ZBTB2: variants seen among roughly 807,000 people sequenced by gnomAD.
ZBTB2 encodes zinc finger and BTB domain-containing protein 2.
A neutral mutation model predicts 39.5 loss-of-function variants in ZBTB2; 2 were observed. The ratio of observed to expected loss-of-function variants is 0.05; its 90% CI spans 0.02 to 0.16. The LOEUF (loss-of-function observed/expected upper bound fraction) is 0.16, where lower values mean the gene tolerates loss of function less well. ZBTB2 is among the 10% of genes least tolerant of loss of function. The pLI, the probability that ZBTB2 is intolerant of heterozygous loss-of-function variation, is 1.00. For synonymous variants in ZBTB2, 251 were observed against 256.6 expected, an observed-to-expected ratio of 0.98 and a Z score of 0.21; for missense variants, 391 against 653.0, an observed-to-expected ratio of 0.60 and a Z score of 4.37.
At chr6:151,379,169 CTT>C (rs1170613232) in intron 1 of ZBTB2, among the ~76,000 whole-genome samples, 1 of 152,194 alleles carries the variant, frequency 6.6e-6, no homozygotes, top group Admixed American at 6.5e-5. Context: ...TACCGTAACT[CTT>C]TTCTCCGTAC....
At chr6:151,379,653 A>G (rs1001997927) in intron 1 of ZBTB2, among the ~76,000 whole-genome samples, 11 of 150,986 alleles carry the variant, frequency 7.3e-5, no homozygotes, top group South Asian at 2.1e-4. Context: ...AAAAAAAAAA[A>G]AAAAAAAGAA....
intron 2 of ZBTB2, 96 bp downstream of exon 2, chr6:151,373,369 A>G (rs9479023): frequency 0.056 from 76,899 of 1,372,770 alleles, 3,983 homozygotes; most frequent in African/African-American, 0.24. Context: ...CCTAGGAGCT[A>G]GGAGACGTAG....
Position 151,366,417 on chromosome 6 carries a change from C to G in ZBTB2, c.649G>C (p.Gly217Arg), listed in dbSNP as rs148104675. The G allele has an allele frequency of 1.8e-5, 29 of 1,613,846 alleles. No homozygotes were observed. The Admixed American group carries it at 2.0e-4, about 11-fold the overall frequency. ...GATGCTTCCAGATTGGTCTCCTCCC[C>G]GGGAGGAGGGGGAGGAACAGGAGTG... Reference protein sequence around the residue: ...VSTPVPPPPPGEETNLEASSS... With the variant: ...VSTPVPPPPPREETNLEASSS... Residue 217 changes from glycine (G) to arginine (R), a missense_variant, in exon 3 of 3, where the codon GGG becomes CGG. Coordinates refer to ENST00000325144, the MANE Select transcript of ZBTB2 (RefSeq NM_020861.3). The surrounding 1 kb of genome is among the most constrained non-coding windows in gnomAD (Gnocchi z 7.1).
intron 1 of ZBTB2, among the ~76,000 whole-genome samples, chr6:151,384,072 C>A (rs977111577): frequency 3.9e-5 from 6 of 152,100 alleles, no homozygotes; most frequent in African/African-American, 1.2e-4. Context: ...CCTAGATTGA[C>A]CTAAAAAATT....
Position 151,366,907 on chromosome 6 carries a change from TA to T in ZBTB2, c.174-16del. 1.3e-6 allele frequency: 2 copies of T among 1,581,060 alleles called. No homozygotes were observed. Among genetic ancestry groups the T allele is most frequent in the Non-Finnish European group, 1.7e-6 (2 of 1,163,112 alleles). ...GGACACACTCACTGAAAGAAACAAG[TA>T]AAAAAATACGTGAGTAAATGCCAGT... On this transcript the variant is annotated splice_polypyrimidine_tract_variant and intron_variant, in intron 2 of 2. Transcript: ENST00000325144. The surrounding 1 kb of genome is among the most constrained non-coding windows in gnomAD (Gnocchi z 7.1).
chr6:151,391,170 G>A (rs1168508314), intron 1 of ZBTB2, among the ~76,000 whole-genome samples: 1 of 151,456 alleles, frequency 6.6e-6, no homozygotes, highest in Non-Finnish European at 1.5e-5. Context: ...GCCAGGCGCA[G>A]CCGCCGCCGC....
In ZBTB2 at chr6:151,365,881, A is replaced by G. The variant is rs1778635463; in HGVS notation, c.1185T>C (p.Cys395=). 1 of 1,614,032 alleles carries G rather than the reference A, an allele frequency of 6.2e-7. No individual in the cohort carries two copies. Among genetic ancestry groups the G allele is most frequent in the Admixed American group, 1.7e-5 (1 of 59,992 alleles). ...GGTTGGCCCTGCAAAAGCTTTTGTCACAAGTGCTGCACTTGAAAGGCTTCC... is the reference window on the plus strand; with the variant it reads ...GGTTGGCCCTGCAAAAGCTTTTGTCGCAAGTGCTGCACTTGAAAGGCTTCC... ...HTGKPFKCST[C]DKSFCRANQA... Residue 395 remains cysteine, a synonymous_variant, in exon 3 of 3, where the codon TGT becomes TGC. Transcript: ENST00000325144. The surrounding 1 kb of genome is among the most constrained non-coding windows in gnomAD (Gnocchi z 5.6).
chr6:151,374,929 C>CT (rs1165851571), intron 1 of ZBTB2, among the ~76,000 whole-genome samples: 2 of 73,662 alleles, frequency 2.7e-5, no homozygotes, highest in African/African-American at 5.4e-5. Context: ...CCCGTCTCTA[C>CT]TAAAAAAAAA....
Position 151,365,737 on chromosome 6 carries a change from T to C in ZBTB2, c.1329A>G (p.Gln443=). ...EGSQMDNMLV[Q]TNKPYKCNLC... ...AGTTGCATTTGTAGGGTTTGTTTGT[T>C]TGCACCAGCATGTTGTCCATCTGAC... is the stretch of plus-strand genomic sequence containing the variant. Residue 443 remains glutamine (Q), a synonymous_variant, in exon 3 of 3, where the codon CAA becomes CAG. Transcript: ENST00000325144. This position sits in a 1 kb window ranked among gnomAD's most constrained non-coding sequence, Gnocchi z 5.6. The C allele has an allele frequency of 6.2e-7, 1 of 1,614,202 alleles. No individual in the cohort carries two copies. The highest frequency in any genetic ancestry group is 8.5e-7 in the Non-Finnish European group (1 of 1,180,044).
At chr6:151,373,086 C>T (rs948126712) in intron 2 of ZBTB2, among the ~76,000 whole-genome samples, 3 of 128,562 alleles carry the variant, frequency 2.3e-5, no homozygotes, top group Middle Eastern at 4.8e-3. Flanking sequence ...ACCCGGGAGG[C>T]GGAGCTTGCA....
chr6:151,380,722 GACTCACC>G (rs1258440910), intron 1 of ZBTB2, among the ~76,000 whole-genome samples: 3 of 152,080 alleles, frequency 2.0e-5, no homozygotes, highest in African/African-American at 7.2e-5. Context: ...TCTGGTTTTC[GACTCACC>G]ACAGGCTGTT....
chr6:151,369,239 G>A (rs183709776), intron 2 of ZBTB2, among the ~76,000 whole-genome samples: 1 of 152,318 alleles, frequency 6.6e-6, no homozygotes, highest in East Asian at 1.9e-4. Context: ...CTTTAGGCAG[G>A]CCTGGAGGGA....
intron 1 of ZBTB2, among the ~76,000 whole-genome samples, chr6:151,382,230 A>C (rs1282264884): frequency 6.6e-6 from 1 of 152,236 alleles, no homozygotes; most frequent in East Asian, 1.9e-4. Flanking sequence ...TATTATGGGT[A>C]CATGACTATG....
chr6:151,367,594 T>A (rs1275246881), intron 2 of ZBTB2, among the ~76,000 whole-genome samples: 1 of 152,208 alleles, frequency 6.6e-6, no homozygotes, highest in Non-Finnish European at 1.5e-5. Context: ...GTTAATAACC[T>A]GCTCAATATC....
chr6:151,389,060 G>A (rs751143007), intron 1 of ZBTB2, among the ~76,000 whole-genome samples: 1 of 152,184 alleles, frequency 6.6e-6, no homozygotes, highest in Non-Finnish European at 1.5e-5. Flanking sequence ...CAAACCACAA[G>A]TTTATTAAAT....
chr6:151,373,780 T>TA, intron 1 of ZBTB2, 131 bp from the exon 2 acceptor site: 2 of 604,066 alleles, frequency 3.3e-6, no homozygotes, highest in Non-Finnish European at 5.2e-6. Flanking sequence ...CTAAAAACGT[T>TA]ACACAGATTA....
At chr6:151,387,953 C>T (rs1779196415) in intron 1 of ZBTB2, among the ~76,000 whole-genome samples, 1 of 151,958 alleles carries the variant, frequency 6.6e-6, no homozygotes, top group Non-Finnish European at 1.5e-5. Context: ...ACTATCAATT[C>T]GAAGTAATAT....
intron 1 of ZBTB2, among the ~76,000 whole-genome samples, chr6:151,386,598 T>C (rs1422384525): frequency 6.6e-6 from 1 of 152,256 alleles, no homozygotes; most frequent in Non-Finnish European, 1.5e-5. Flanking sequence ...TTGCCTTTGT[T>C]TTTTATATAC....
intron 1 of ZBTB2, among the ~76,000 whole-genome samples, chr6:151,376,206 CAAACTT>C (rs1227832121): frequency 6.6e-6 from 1 of 152,024 alleles, no homozygotes; most frequent in Non-Finnish European, 1.5e-5. Flanking sequence ...AAATGGATAA[CAAACTT>C]AAATGTAAAA....
Sources: gnomAD v4.1 joint callset for allele counts (sites outside exome capture counted in the v4.1 genomes callset) on GRCh38, gnomAD v4.1.1 for gene constraint, Gnocchi (gnomAD v3.1) non-coding constraint, MANE v1.5 for transcripts, NCBI Gene and HGNC (gene_info 2026-07-23, HGNC 2026-07-21) for gene names.